Variants in MTA3 observed in about 807,000 individuals in gnomAD.
MTA3 encodes the protein metastasis-associated protein MTA3.
In MTA3, 34 loss-of-function variants were observed where a neutral mutation model predicts 83.5. That is an observed-to-expected ratio of 0.41 (90% CI 0.31 to 0.54). The LOEUF (loss-of-function observed/expected upper bound fraction) is 0.54. MTA3 is among the 20% of genes least tolerant of loss of function. MTA3 has a pLI of 0.33. For missense variants in MTA3, 761 were observed against 726.4 expected (o/e 1.05, Z -0.55); for synonymous variants, 303 against 252.7 (o/e 1.20, Z -1.89).
chr2:42,634,766 C>G (rs572105821), intron 4 of MTA3, among the ~76,000 whole-genome samples: 10 of 152,068 alleles, frequency 6.6e-5, no homozygotes, highest in African/African-American at 2.2e-4. Flanking sequence ...CAACTCCTCT[C>G]GATGGTGGCT....
chr2:42,625,177 G>A (rs1462231185), intron 4 of MTA3, among the ~76,000 whole-genome samples: 4 of 151,648 alleles, frequency 2.6e-5, no homozygotes, highest in African/African-American at 7.3e-5. Flanking sequence ...GATTACAGGC[G>A]CCCGCCACCA....
chr2:42,558,853 C>A (rs1477708607), intron 2 of MTA3, among the ~76,000 whole-genome samples: 1 of 151,930 alleles, frequency 6.6e-6, no homozygotes. Flanking sequence ...CCGTGCCCGG[C>A]CTTTTTTTTT....
chr2:42,672,472 ATC>A (rs1258453705), intron 8 of MTA3, among the ~76,000 whole-genome samples: 1 of 151,624 alleles, frequency 6.6e-6, no homozygotes, highest in Non-Finnish European at 1.5e-5. Flanking sequence ...GTGAAACCCT[ATC>A]TCTACTAAAA....
intron 16 of MTA3, among the ~76,000 whole-genome samples, chr2:42,734,346 C>G (rs2104568730): frequency 6.6e-6 from 1 of 150,552 alleles, no homozygotes; most frequent in Admixed American, 6.6e-5. Flanking sequence ...ATAAGTATAG[C>G]TACTCCTGCT....
At chr2:42,630,832 AAGC>A (rs1277173071) in intron 4 of MTA3, among the ~76,000 whole-genome samples, 1 of 152,182 alleles carries the variant, frequency 6.6e-6, no homozygotes, top group African/African-American at 2.4e-5. Flanking sequence ...CCATTGGTCA[AAGC>A]AGGGAGGTTC....
rs192133112 is a variant in MTA3, at chr2:42,666,661, A to G, written c.702+6799A>G. Among the ~76,000 whole-genome samples the G allele has an allele frequency of 2.2e-3, 335 of 152,252 alleles. 2 individuals carry two copies. The highest frequency in any genetic ancestry group is 6.9e-3 in the African/African-American group (287 of 41,542). ...TGTAGAGAGCCAGGTCTATAATTAA[A>G]AACTCATTTTTGTGATTATTTTGTG... On this transcript the variant is annotated intron_variant, in intron 8 of 16. Coordinates refer to ENST00000405094, the MANE Select transcript of MTA3 (RefSeq NM_001330442.2).
chr2:42,553,208 G>A (rs906111285), intron 2 of MTA3, among the ~76,000 whole-genome samples: 13 of 150,512 alleles, frequency 8.6e-5, no homozygotes, highest in African/African-American at 2.7e-4. Flanking sequence ...GGCAGATCAC[G>A]AGGTCAGGAG....
chr2:42,704,355 A>T lies in MTA3; in HGVS notation c.1150+37A>T, dbSNP rs140772495. The T allele has an allele frequency of 3.6e-4, 586 of 1,611,446 alleles. 3 individuals carry two copies. In the African/African-American group the frequency reaches 7.2e-3, roughly 20 times the overall value. The stretch of plus-strand genomic sequence containing the variant: ...CTAGCAGGTCAGTTAAGCATCGGGA[A>T]CTGTTCTGGCTCATGGGGTGTGAGC... On this transcript the variant is annotated intron_variant, in intron 12 of 16. Transcript: ENST00000405094.
At chr2:42,617,552 G>C (rs886076627) in intron 4 of MTA3, among the ~76,000 whole-genome samples, 2 of 151,912 alleles carry the variant, frequency 1.3e-5, no homozygotes, top group Admixed American at 1.3e-4. Context: ...TGGCTCAAAC[G>C]TGTAATCCCA....
intron 16 of MTA3, among the ~76,000 whole-genome samples, chr2:42,729,086 GTT>G (rs1216600680): frequency 4.0e-4 from 24 of 60,124 alleles, no homozygotes; most frequent in African/African-American, 1.4e-3. Flanking sequence ...CACAGTTTGA[GTT>G]TTTTTTTTTT....
In MTA3 at chr2:42,721,504, AT is replaced by A. The variant is rs1667406203; in HGVS notation, c.1613-1380del. On this transcript the variant is annotated intron_variant, in intron 15 of 16. Transcript: ENST00000405094. ...CACCACACTTGGCTAATTTTTAAAA[AT>A]TTTTGTAGAGACAGGGTTTCACCAT... Among the ~76,000 whole-genome samples, 5 of 151,662 alleles carry A rather than the reference AT, an allele frequency of 3.3e-5. No homozygotes were observed. In the South Asian group the frequency reaches 1.0e-3, roughly 32 times the overall value.
intron 3 of MTA3, among the ~76,000 whole-genome samples, chr2:42,596,801 G>A (rs1411897314): frequency 2.0e-5 from 3 of 152,096 alleles, no homozygotes; most frequent in Non-Finnish European, 4.4e-5. Flanking sequence ...ATATTTTCAT[G>A]TGACTAGTTG....
rs562376218 is a variant in MTA3 at position 42,740,966 on chromosome 2, T to G, written c.1760-12408T>G. Among the ~76,000 whole-genome samples, 14 of 152,384 alleles carry G rather than the reference T, an allele frequency of 9.2e-5. No homozygotes were observed. The East Asian group carries it at 2.5e-3, about 27-fold the overall frequency. On this transcript the variant is annotated intron_variant, in intron 16 of 16. Transcript: ENST00000405094. ...TCTCTCTAGCTATGAAAGTCCTAGA[T>G]GGCATCTTCTTCCAGTATAAGGCTG... is the stretch of plus-strand genomic sequence containing the variant.
intron 16 of MTA3, among the ~76,000 whole-genome samples, chr2:42,750,670 G>A (rs1669805060): frequency 1.3e-5 from 2 of 152,192 alleles, no homozygotes; most frequent in African/African-American, 4.8e-5. Context: ...GAGCTTCATG[G>A]GAAGAAGGCT....
At chr2:42,682,891 T>C (rs1216542787) in intron 9 of MTA3, among the ~76,000 whole-genome samples, 1 of 152,046 alleles carries the variant, frequency 6.6e-6, no homozygotes, top group Non-Finnish European at 1.5e-5. Context: ...GCCAATGTGG[T>C]GAAACCCCAT....
At chr2:42,527,215 C>T (rs1330780337) in intron 2 of MTA3, among the ~76,000 whole-genome samples, 1 of 152,104 alleles carries the variant, frequency 6.6e-6, no homozygotes, top group East Asian at 1.9e-4. Flanking sequence ...ACCAATCAGG[C>T]CTCAGCTGTA....
At chr2:42,551,790 C>A (rs1011663887) in intron 2 of MTA3, among the ~76,000 whole-genome samples, 1 of 150,898 alleles carries the variant, frequency 6.6e-6, no homozygotes, top group African/African-American at 2.5e-5. Flanking sequence ...TGCAGTGGTG[C>A]GATCTCGGCT....
At chr2:42,729,283 A>C (rs1668081956) in intron 16 of MTA3, among the ~76,000 whole-genome samples, 1 of 150,324 alleles carries the variant, frequency 6.7e-6, no homozygotes, top group African/African-American at 2.4e-5. Flanking sequence ...TTTTTTTTTT[A>C]GTAGAGACGG....
At chr2:42,515,298 A>C (rs1675094304) in intron 2 of MTA3, among the ~76,000 whole-genome samples, 1 of 151,786 alleles carries the variant, frequency 6.6e-6, no homozygotes, top group Non-Finnish European at 1.5e-5. Flanking sequence ...ACATCAGGTG[A>C]TCTGCCCACC....
Sources: gnomAD v4.1 joint callset for allele counts (sites outside exome capture counted in the v4.1 genomes callset) on GRCh38, gnomAD v4.1.1 for gene constraint, MANE v1.5 for transcripts, NCBI Gene and HGNC (gene_info 2026-07-23, HGNC 2026-07-21) for gene names.